NUCB1: variants seen among roughly 807,000 people sequenced by gnomAD.
NUCB1 encodes nucleobindin 1.
A neutral mutation model predicts 61.2 loss-of-function variants in NUCB1; 47 were observed. The observed-to-expected ratio is 0.77, with a 90% CI of 0.61 to 0.98. The LOEUF (loss-of-function observed/expected upper bound fraction) is 0.98, where lower values mean the gene tolerates loss of function less well. Ranked by LOEUF, NUCB1 falls within the 50% of genes least tolerant of loss-of-function variation. The probability of loss-of-function intolerance (pLI) is 0.00; values close to 1 mark genes in which losing one functional copy is unlikely to be tolerated. For missense variants in NUCB1, 583 were observed against 605.3 expected, an observed-to-expected ratio of 0.96 and a Z score of 0.39; for synonymous variants, 234 against 243.1, an observed-to-expected ratio of 0.96 and a Z score of 0.35.
At position 48,911,159 on chromosome 19, in the gene NUCB1, G is replaced by A. The variant is rs759338867; in HGVS notation, c.387G>A (p.Val129=). 4 of 1,611,598 alleles carry A rather than the reference G, an allele frequency of 2.5e-6. No homozygotes were observed. In the South Asian group the frequency reaches 3.3e-5, roughly 13 times the overall value. Residue 129 remains valine, a synonymous_variant, in exon 5 of 13, where the codon GTG becomes GTA. Coordinates refer to ENST00000405315, the MANE Select transcript of NUCB1 (RefSeq NM_006184.6). ...TTCCCTCTCTTCCAGATGTACAGGT[G>A]GATCATCTGAATCTCCTGAAACAGT... ...MDAEQDPNVQ[V]DHLNLLKQFE...
rs773302564 is a variant in NUCB1, at chr19:48,900,337, C to T, written c.-47C>T. On this transcript the variant is annotated 5_prime_UTR_variant, in exon 1 of 13. Coordinates refer to ENST00000405315, the MANE Select transcript of NUCB1 (RefSeq NM_006184.6). The stretch of plus-strand genomic sequence containing the variant: ...ACCAAGAACGCACCGGAGGTCCTTG[C>T]CCGCCCTGGAAAACGCCCTCTGCGG... The T allele has an allele frequency of 1.5e-4, 24 of 163,836 alleles. No individual in the cohort carries two copies. The highest frequency in any genetic ancestry group is 5.5e-4 in the Admixed American group (9 of 16,506). 10.1% of individuals were successfully genotyped at this position (163,836 alleles called of 1,614,324 possible).
chr19:48,900,854 C>T lies in NUCB1; in HGVS notation c.58C>T (p.Leu20=), dbSNP rs752900089. ...LLLLPLLLLL[L]LRAVLAVPLE... ...TCTGTTGCCGCTGCTGCTGCTGCTCCTGCTTCGCGCCGTGCTGGCTGTCCC... is the reference window on the plus strand; with the variant it reads ...TCTGTTGCCGCTGCTGCTGCTGCTCTTGCTTCGCGCCGTGCTGGCTGTCCC... Residue 20 remains leucine (L), a synonymous_variant, in exon 2 of 13, where the codon CTG becomes TTG. Coordinates refer to ENST00000405315, the MANE Select transcript of NUCB1 (RefSeq NM_006184.6). The T allele has an allele frequency of 3.1e-6, 5 of 1,613,968 alleles. No individual in the cohort carries two copies. In the East Asian group the frequency reaches 1.1e-4, roughly 36 times the overall value.
At chr19:48,913,319 A>G (rs2037500700) in intron 6 of NUCB1, 123 bp downstream of exon 6, 1 of 1,225,190 alleles carries the variant, frequency 8.2e-7, no homozygotes, top group Non-Finnish European at 1.1e-6. Context: ...CTGTTACTGT[A>G]CCTGGCTGCC....
chr19:48,920,658 G>A (rs774971569), intron 10 of NUCB1, among the ~76,000 whole-genome samples: 3 of 151,996 alleles, frequency 2.0e-5, no homozygotes, highest in Non-Finnish European at 4.4e-5. Flanking sequence ...TGAGTAGCTG[G>A]GATTATATGC....
intron 11 of NUCB1, 101 bp from the exon 12 acceptor site, chr19:48,921,726 T>G (rs2037611703): frequency 1.8e-6 from 2 of 1,128,486 alleles, no homozygotes; most frequent in Admixed American, 1.7e-5. Context: ...CCGTGACCAC[T>G]TAGCAGGCTG....
At chr19:48,910,855 G>T in intron 4 of NUCB1, 1 of 254,770 alleles carries the variant, frequency 3.9e-6, no homozygotes, top group Non-Finnish European at 7.7e-6. Context: ...TAAAACCCTT[G>T]TTGTCAGGAT....
intron 1 of NUCB1, 200 bp from the exon 2 acceptor site, chr19:48,900,585 AC>A: frequency 4.7e-6 from 3 of 643,108 alleles, no homozygotes; most frequent in Non-Finnish European, 7.9e-6. Flanking sequence ...GGGAGCCAGG[AC>A]CCCTGGGTCT....
chr19:48,904,503 C>A, intron 3 of NUCB1, 49 bp downstream of exon 3: 2 of 1,159,012 alleles, frequency 1.7e-6, no homozygotes, highest in Non-Finnish European at 2.5e-6. Context: ...GCTGGGAGGG[C>A]AGAGTTCAGG....
At position 48,910,268 on chromosome 19, in the gene NUCB1, G is replaced by C. The variant is rs1438239814; in HGVS notation, c.377-881G>C. On this transcript the variant is annotated intron_variant, in intron 4 of 12. Coordinates refer to ENST00000405315, the MANE Select transcript of NUCB1 (RefSeq NM_006184.6). ...ATTTTTTATGTTTTTATTAGAGATG[G>C]GGTTTCACCATGTTGGCCAGGATGG... Among the ~76,000 whole-genome samples, 2 of 151,684 alleles carry C rather than the reference G, an allele frequency of 1.3e-5. 1 individual carries two copies. Among genetic ancestry groups the C allele is most frequent in the Non-Finnish European group, 2.9e-5 (2 of 67,908 alleles).
At chr19:48,906,044 A>G (rs899710486) in intron 4 of NUCB1, among the ~76,000 whole-genome samples, 159 bp downstream of exon 4, 4 of 152,214 alleles carry the variant, frequency 2.6e-5, no homozygotes, top group Non-Finnish European at 5.9e-5. Context: ...TGTTCCTCCC[A>G]GCATGATTTA....
intron 4 of NUCB1, among the ~76,000 whole-genome samples, chr19:48,906,296 C>T (rs1568584116): frequency 6.7e-6 from 1 of 150,108 alleles, no homozygotes; most frequent in Non-Finnish European, 1.5e-5. Context: ...CCTAGCTGCT[C>T]AGGAGGCTAA....
At chr19:48,904,495 T>G (rs1192405004) in intron 3 of NUCB1, 41 bp downstream of exon 3, 2 of 1,256,162 alleles carry the variant, frequency 1.6e-6, no homozygotes, top group East Asian at 2.4e-5. Flanking sequence ...GGGTACGTGC[T>G]GGGAGGGCAG....
chr19:48,921,779 A>G (rs763527508), intron 11 of NUCB1, 48 bp from the exon 12 acceptor site: 5 of 1,574,996 alleles, frequency 3.2e-6, no homozygotes, highest in African/African-American at 1.3e-5. Flanking sequence ...AGCACTTGCA[A>G]TGCCAGCATC....
chr19:48,911,675 G>A (rs1418357179), intron 5 of NUCB1, among the ~76,000 whole-genome samples: 1 of 151,868 alleles, frequency 6.6e-6, no homozygotes, highest in African/African-American at 2.4e-5. Context: ...CAAAGTGCTG[G>A]GATTACAAGT....
At chr19:48,912,884 T>G in intron 5 of NUCB1, 127 bp from the exon 6 acceptor site, 4 of 499,054 alleles carry the variant, frequency 8.0e-6, no homozygotes, top group African/African-American at 4.4e-5. Context: ...ACACGAGACG[T>G]AAGAAAGACA....
chr19:48,918,875 GA>G, intron 8 of NUCB1, 91 bp downstream of exon 8: 3 of 1,375,988 alleles, frequency 2.2e-6, no homozygotes, highest in Non-Finnish European at 3.1e-6. Flanking sequence ...CCCTGGATGG[GA>G]GCTCAGTGAA....
chr19:48,905,300 T>C (rs2037399293), intron 3 of NUCB1, among the ~76,000 whole-genome samples: 1 of 152,136 alleles, frequency 6.6e-6, no homozygotes, highest in Non-Finnish European at 1.5e-5. Flanking sequence ...ATATCAGGCC[T>C]CTAGGAGCAC....
chr19:48,905,925 TGG>T, intron 4 of NUCB1, 40 bp downstream of exon 4: 1 of 625,326 alleles, frequency 1.6e-6, no homozygotes, highest in Non-Finnish European at 2.7e-6. Context: ...CAGGGAGGGG[TGG>T]GGAAGGGTGG....
At chr19:48,917,747 C>T (rs1053823207) in intron 7 of NUCB1, among the ~76,000 whole-genome samples, 120 of 151,778 alleles carry the variant, frequency 7.9e-4, no homozygotes, top group Admixed American at 2.8e-3. Context: ...CCTCCTGCCT[C>T]GGCCTCCCAA....
Sources: allele counts gnomAD v4.1 joint callset (sites outside exome capture counted in the v4.1 genomes callset), GRCh38; gene constraint gnomAD v4.1.1; transcripts MANE v1.5; gene names NCBI Gene and HGNC (gene_info 2026-07-23, HGNC 2026-07-21).